The following DUSP28 variants were observed in gnomAD, a reference collection of about 807,000 sequenced individuals.
DUSP28 encodes dual specificity phosphatase 28.
In DUSP28, 11 loss-of-function variants were observed where a neutral mutation model predicts 8.4. That is an observed-to-expected ratio of 1.31 (90% CI 0.83 to 2.17). DUSP28 has a LOEUF of 2.17. Ranked by LOEUF, DUSP28 falls within the 30% of genes most tolerant of loss-of-function variation. The pLI is 0.00. For missense variants in DUSP28, 373 were observed against 270.4 expected (o/e 1.38, Z -2.66); for synonymous variants, 178 against 130.9 (o/e 1.36, Z -2.46).
Position 240,561,602 on chromosome 2 carries a change from A to G in DUSP28, c.*135A>G. The G allele has an allele frequency of 8.4e-7, 1 of 1,192,882 alleles. No homozygotes were observed. The highest frequency in any genetic ancestry group is 1.1e-6 in the Non-Finnish European group (1 of 902,664). 73.9% of individuals were successfully genotyped at this position (1,192,882 alleles called of 1,614,324 possible). ...TGTGAAACATAGTGCTTTTAATTTT[A>G]TATTTCCGGCTGAGGTGATGCACAA... is the stretch of plus-strand genomic sequence containing the variant. On this transcript the variant is annotated 3_prime_UTR_variant, in exon 2 of 2. Transcript: ENST00000405954.
In DUSP28 at chr2:240,560,508, C is replaced by G; in HGVS notation, c.-177C>G. The stretch of plus-strand genomic sequence containing the variant: ...CCGGCCCCAACGAGACCCAAGCCCC[C>G]TGTCCCGGCCCAGCGCCCGCGGGGG... On this transcript the variant is annotated 5_prime_UTR_variant, in exon 1 of 2. Transcript: ENST00000405954. 1 of 1,005,336 alleles carries G rather than the reference C, an allele frequency of 9.9e-7. No individual in the cohort carries two copies. Among genetic ancestry groups the G allele is most frequent in the Non-Finnish European group, 1.3e-6 (1 of 763,496 alleles). 62.3% of individuals were successfully genotyped at this position (1,005,336 alleles called of 1,614,324 possible).
chr2:240,560,581 G>A lies in DUSP28; in HGVS notation c.-104G>A, dbSNP rs2092887669. ...CCTCGGAGGCCTCTAGGACCCGGGG[G>A]CGCCCGGCGGCCCGCCCGGCTCCCA... On this transcript the variant is annotated 5_prime_UTR_variant, in exon 1 of 2. Coordinates refer to ENST00000405954, the MANE Select transcript of DUSP28 (RefSeq NM_001370465.2). The A allele has an allele frequency of 2.3e-6, 3 of 1,318,356 alleles. No individual in the cohort carries two copies. Among genetic ancestry groups the A allele is most frequent in the Non-Finnish European group, 2.9e-6 (3 of 1,035,954 alleles). The allele number at this position is 1,318,356 out of a possible 1,614,324, so 81.7% of individuals were successfully genotyped here.
rs2092989637 is a variant in DUSP28, at chr2:240,562,957, C to T, written c.*1490C>T. The T allele has an allele frequency of 6.5e-6, 1 of 154,040 alleles. No individual in the cohort carries two copies. Among genetic ancestry groups the T allele is most frequent in the Non-Finnish European group, 1.5e-5 (1 of 68,022 alleles). The allele number at this position is 154,040 out of a possible 1,614,324, so 9.5% of individuals were successfully genotyped here. A position where few individuals can be genotyped will look rare whatever the true frequency, so the allele number is the denominator to read the frequency against. ...AGGTACTGTTATAAGATGATGAACA[C>T]CAGTATGTCAAACACAATGCTGTGA... On this transcript the variant is annotated 3_prime_UTR_variant, in exon 2 of 2. Transcript: ENST00000405954.
In DUSP28 at chr2:240,564,293, G is replaced by A. The variant is rs749530783; in HGVS notation, c.*2826G>A. ...AAGTGGCCTGAAGGGCCCGCTCTGCGGTCCTGCCACCAGTGCCCTCTGAGG... is the reference window on the plus strand; with the variant it reads ...AAGTGGCCTGAAGGGCCCGCTCTGCAGTCCTGCCACCAGTGCCCTCTGAGG... On this transcript the variant is annotated 3_prime_UTR_variant, in exon 2 of 2. Transcript: ENST00000405954. Among the ~76,000 whole-genome samples the A allele has an allele frequency of 3.3e-5, 5 of 152,342 alleles. No individual in the cohort carries two copies. The highest frequency in any genetic ancestry group is 2.1e-4 in the South Asian group (1 of 4,834).
rs1128152 is a variant in DUSP28, at chr2:240,563,825, C to T, written c.*2358C>T. On this transcript the variant is annotated 3_prime_UTR_variant, in exon 2 of 2. Coordinates refer to ENST00000405954, the MANE Select transcript of DUSP28 (RefSeq NM_001370465.2). ...CCACATTCACCTCTTTCCACTTAAA[C>T]GTGTCCCATGAATCTTGTCATAACA... 5,880 of 152,504 alleles carry T rather than the reference C, an allele frequency of 0.039. 155 individuals carry two copies. Among genetic ancestry groups the T allele is most frequent in the South Asian group, 0.11 (516 of 4,828 alleles). 9.4% of individuals were successfully genotyped at this position (152,504 alleles called of 1,614,324 possible).
chr2:240,563,362 T>A lies in DUSP28; in HGVS notation c.*1895T>A, dbSNP rs2092992450. The A allele has an allele frequency of 6.6e-6, 1 of 152,286 alleles. No homozygotes were observed. The highest frequency in any genetic ancestry group is 2.1e-4 in the South Asian group (1 of 4,862). 9.4% of individuals were successfully genotyped at this position (152,286 alleles called of 1,614,324 possible). A position where few individuals can be genotyped will look rare whatever the true frequency, so the allele number is the denominator to read the frequency against. On this transcript the variant is annotated 3_prime_UTR_variant, in exon 2 of 2. Coordinates refer to ENST00000405954, the MANE Select transcript of DUSP28 (RefSeq NM_001370465.2). ...GATTACAGGCGCCCGCCACCACGCC[T>A]AGCTAATTTCTTTGTATTTTTGGTA...
At chr2:240,561,223 G>T in intron 1 of DUSP28, 107 bp from the exon 2 acceptor site, 1 of 1,580,440 alleles carries the variant, frequency 6.3e-7, no homozygotes, top group East Asian at 2.2e-5. Flanking sequence ...GGGAAGCAGA[G>T]AGGCACTTCC....
In DUSP28 at chr2:240,561,553, C is replaced by T. The variant is rs956900291; in HGVS notation, c.*86C>T. On this transcript the variant is annotated 3_prime_UTR_variant, in exon 2 of 2. Coordinates refer to ENST00000405954, the MANE Select transcript of DUSP28 (RefSeq NM_001370465.2). ...TTACCCTTCTTCCTCACTGTCATAT[C>T]GAGTTTTCCTTTGTGTGTGTGTGTG... is the stretch of plus-strand genomic sequence containing the variant. The T allele has an allele frequency of 1.2e-5, 17 of 1,477,560 alleles. No homozygotes were observed. The East Asian group carries it at 4.1e-4, about 36-fold the overall frequency. The allele number at this position is 1,477,560 out of a possible 1,614,324, so 91.5% of individuals were successfully genotyped here.
At position 240,561,438 on chromosome 2, in the gene DUSP28, C is replaced by T. The variant is rs773498400; in HGVS notation, c.502C>T (p.Pro168Ser). The change falls in exon 2 of 2, where the codon CCA (proline) becomes TCA (serine). Residue 168 changes from proline to serine, a missense_variant. By Grantham distance (74) the Pro-to-Ser change is moderately conservative. Transcript: ENST00000405954. ...CCAGTCCTGCCTGCAGGGAGAGCCC[C>T]CAGCCTTAGGGTTGGGCCCTGAGGC... ...QAQSCLQGEP[P>S]ALGLGPEA is the part of the protein sequence containing the mutation. 4 of 1,613,680 alleles carry T rather than the reference C, an allele frequency of 2.5e-6. No individual in the cohort carries two copies. The highest frequency in any genetic ancestry group is 3.4e-6 in the Non-Finnish European group (4 of 1,180,016).
intron 1 of DUSP28, 81 bp from the exon 2 acceptor site, chr2:240,561,249 C>T (rs1183046559): frequency 1.2e-6 from 2 of 1,600,404 alleles, no homozygotes; most frequent in Non-Finnish European, 1.7e-6. Context: ...GGGCGGGGCC[C>T]ACTCTTACAG....
rs1049680716 is a variant in DUSP28 at position 240,563,439 on chromosome 2, T to G, written c.*1972T>G. The G allele has an allele frequency of 1.3e-5, 2 of 152,312 alleles. No individual in the cohort carries two copies. Among genetic ancestry groups the G allele is most frequent in the South Asian group, 4.1e-4 (2 of 4,844 alleles). The allele number at this position is 152,312 out of a possible 1,614,324, so 9.4% of individuals were successfully genotyped here. A position where few individuals can be genotyped will look rare whatever the true frequency, so the allele number is the denominator to read the frequency against. On this transcript the variant is annotated 3_prime_UTR_variant, in exon 2 of 2. Coordinates refer to ENST00000405954, the MANE Select transcript of DUSP28 (RefSeq NM_001370465.2). ...GGATGGTCTCAATCTCCTGACCTCA[T>G]GATCCTCCCGCCTCGGCCTCCCAAA... is the stretch of plus-strand genomic sequence containing the variant.
Position 240,560,727 on chromosome 2 carries a change from G to GT in DUSP28, c.44dup (p.Pro16ThrfsTer61). 1 of 1,522,548 alleles carries GT rather than the reference G, an allele frequency of 6.6e-7. No homozygotes were observed. The highest frequency in any genetic ancestry group is 8.7e-7 in the Non-Finnish European group (1 of 1,147,080). 94.3% of individuals were successfully genotyped at this position (1,522,548 alleles called of 1,614,324 possible). A position where few individuals can be genotyped will look rare whatever the true frequency, so the allele number is the denominator to read the frequency against. ...TGGGCGCCGCGGGGCCGCCTCGCCC[G>GT]TACCTCCACCGTTGGTGCGCGTCGC... On this transcript the variant is annotated frameshift_variant, in exon 1 of 2. Transcript: ENST00000405954. LOFTEE classifies it high-confidence loss of function.
Position 240,561,003 on chromosome 2 carries a change from C to T in DUSP28, c.319C>T (p.Arg107Cys), listed in dbSNP as rs755273079. ...CTGCCTAGTCTACTGCAAGAACGGC[C>T]GCAGCCGCTCGGCCGCCGTCTGCAC... Reference protein sequence around the residue: ...GACLVYCKNGRSRSAAVCTAY... With the variant: ...GACLVYCKNGCSRSAAVCTAY... The change falls in exon 1 of 2, where the codon CGC (arginine) becomes TGC (cysteine). Residue 107 changes from arginine to cysteine, a missense_variant. By Grantham distance (180) the Arg-to-Cys change is radical (BLOSUM62 -3). Coordinates refer to ENST00000405954, the MANE Select transcript of DUSP28 (RefSeq NM_001370465.2). 6 of 1,537,870 alleles carry T rather than the reference C, an allele frequency of 3.9e-6. No homozygotes were observed. Among genetic ancestry groups the T allele is most frequent in the South Asian group, 1.2e-5 (1 of 84,444 alleles).
chr2:240,561,098 G>A (rs1444946134), intron 1 of DUSP28, 21 bp downstream of exon 1: 2 of 1,464,722 alleles, frequency 1.4e-6, no homozygotes, highest in Non-Finnish European at 1.8e-6. Flanking sequence ...CTTTAGGGGG[G>A]CGGTGTTTCG....
At position 240,560,531 on chromosome 2, in the gene DUSP28, G is replaced by C; in HGVS notation, c.-154G>C. On this transcript the variant is annotated 5_prime_UTR_variant, in exon 1 of 2. Coordinates refer to ENST00000405954, the MANE Select transcript of DUSP28 (RefSeq NM_001370465.2). ...CCCTGTCCCGGCCCAGCGCCCGCGG[G>C]GGACCCAAGCCCCAGCCTGGTCCAC... is the stretch of plus-strand genomic sequence containing the variant. 8.7e-7 allele frequency: 1 copy of C among 1,149,884 alleles called. No individual in the cohort carries two copies. The highest frequency in any genetic ancestry group is 1.1e-6 in the Non-Finnish European group (1 of 896,650). The allele number at this position is 1,149,884 out of a possible 1,614,324, so 71.2% of individuals were successfully genotyped here. A position where few individuals can be genotyped will look rare whatever the true frequency, so the allele number is the denominator to read the frequency against.
rs1422144198 is a variant in DUSP28 at position 240,563,556 on chromosome 2, T to A, written c.*2089T>A. On this transcript the variant is annotated 3_prime_UTR_variant, in exon 2 of 2. Coordinates refer to ENST00000405954, the MANE Select transcript of DUSP28 (RefSeq NM_001370465.2). ...CTCTTAACAAGACCCAGTCAGGCCC[T>A]ATTGGAACAGGGCTTTTACCACCTA... 1 of 152,524 alleles carries A rather than the reference T, an allele frequency of 6.6e-6. No homozygotes were observed. The highest frequency in any genetic ancestry group is 1.9e-4 in the East Asian group (1 of 5,342). 9.4% of individuals were successfully genotyped at this position (152,524 alleles called of 1,614,324 possible). A position where few individuals can be genotyped will look rare whatever the true frequency, so the allele number is the denominator to read the frequency against.
rs1328401626 is a variant in DUSP28, at chr2:240,564,354, C to T, written c.*2887C>T. On this transcript the variant is annotated 3_prime_UTR_variant, in exon 2 of 2. Transcript: ENST00000405954. Reference sequence around the variant, plus strand: ...CACGGCACCACGGCCGCCCAGTGCACTCGCCTCCACACTGAGTTTTCATTT... The same window carrying T: ...CACGGCACCACGGCCGCCCAGTGCATTCGCCTCCACACTGAGTTTTCATTT... 6.6e-6 allele frequency among the ~76,000 whole-genome samples: 1 copy of T among 152,238 alleles called. No homozygotes were observed. Among genetic ancestry groups the T allele is most frequent in the Non-Finnish European group, 1.5e-5 (1 of 68,046 alleles).
rs773315777 is a variant in DUSP28, at chr2:240,564,756, TCCTC to T, written c.*3292_*3295del. Among the ~76,000 whole-genome samples, 2 of 152,038 alleles carry T rather than the reference TCCTC, an allele frequency of 1.3e-5. No homozygotes were observed. Among genetic ancestry groups the T allele is most frequent in the Non-Finnish European group, 2.9e-5 (2 of 67,988 alleles). ...CTGCTGAAGCCACAGTACATCTCCT[TCCTC>T]CCACCTCCCAGACCTCTCACTGGTC... On this transcript the variant is annotated 3_prime_UTR_variant, in exon 2 of 2. Transcript: ENST00000405954.
At position 240,560,916 on chromosome 2, in the gene DUSP28, C is replaced by A; in HGVS notation, c.232C>A (p.Leu78Met). The A allele has an allele frequency of 1.3e-6, 2 of 1,536,088 alleles. No individual in the cohort carries two copies. Among genetic ancestry groups the A allele is most frequent in the East Asian group, 2.6e-5 (1 of 38,088 alleles). Residue 78 changes from leucine (L) to methionine (M), a missense_variant, in exon 1 of 2, where the codon CTG becomes ATG. Physicochemically the swap from Leu to Met is conservative, Grantham distance 15. Transcript: ENST00000405954. ...CGTGTTCGACGACCCGGCTGAGGAC[C>A]TGCTGGCGCACCTGGAGCCCACGTG... Reference protein sequence around the residue: ...VPVFDDPAEDLLAHLEPTCAA... With the variant: ...VPVFDDPAEDMLAHLEPTCAA...
Sources: gnomAD v4.1 joint callset for allele counts (sites outside exome capture counted in the v4.1 genomes callset) on GRCh38, gnomAD v4.1.1 for gene constraint, MANE v1.5 for transcripts, NCBI Gene and HGNC (gene_info 2026-07-23, HGNC 2026-07-21) for gene names.